PCDH15: variants seen among roughly 807,000 people sequenced by gnomAD.
PCDH15 encodes protocadherin-15.
In PCDH15, 129 loss-of-function variants were observed where a neutral mutation model predicts 178.5. The observed-to-expected ratio is 0.72, with a 90% CI of 0.63 to 0.84. PCDH15 has a LOEUF of 0.84. PCDH15 is among the 40% of genes least tolerant of loss of function. The probability of loss-of-function intolerance (pLI) is 0.00; values close to 1 mark genes in which losing one functional copy is unlikely to be tolerated. For missense variants in PCDH15, 2,230 were observed against 2,099.9 expected (o/e 1.06, Z -1.21); for synonymous variants, 800 against 732.0 (o/e 1.09, Z -1.50).
intron 26 of PCDH15, among the ~76,000 whole-genome samples, chr10:53,883,502 A>T (rs1381025125): frequency 2.0e-5 from 3 of 152,110 alleles, no homozygotes; most frequent in African/African-American, 7.2e-5. Context: ...GGTAGACTGC[A>T]GGGAGGAAAC....
chr10:55,077,426 C>T (rs200451218), intron 2 of PCDH15, among the ~76,000 whole-genome samples: 11 of 89,258 alleles, frequency 1.2e-4, no homozygotes, highest in South Asian at 3.5e-4. Context: ...TTCCTTCCTT[C>T]CTTCCTTCCT....
At chr10:54,886,773 G>A (rs894775811) in intron 3 of PCDH15, among the ~76,000 whole-genome samples, 5 of 152,178 alleles carry the variant, frequency 3.3e-5, no homozygotes, top group African/African-American at 1.2e-4. Flanking sequence ...GAATGATCTA[G>A]CTATTATTTT....
intron 2 of PCDH15, among the ~76,000 whole-genome samples, chr10:55,002,033 A>G (rs1839806509): frequency 6.6e-6 from 1 of 152,188 alleles, no homozygotes; most frequent in Non-Finnish European, 1.5e-5. Flanking sequence ...CAAAATATGT[A>G]CAAGTGTCAC....
chr10:53,837,729 C>T (rs10825119), intron 29 of PCDH15, among the ~76,000 whole-genome samples: 62,838 of 151,570 alleles, frequency 0.41, 13,546 homozygotes, highest in East Asian at 0.76. Flanking sequence ...TACTTGGGCA[C>T]TGGCATTATC....
intron 23 of PCDH15, among the ~76,000 whole-genome samples, chr10:53,946,412 G>A (rs1436703811): frequency 1.3e-5 from 2 of 152,018 alleles, no homozygotes; most frequent in Non-Finnish European, 2.9e-5. Context: ...CTGAACCCCT[G>A]GTAACCAATG....
intron 8 of PCDH15, among the ~76,000 whole-genome samples, chr10:54,253,346 G>A (rs1297317226): frequency 1.3e-5 from 2 of 151,700 alleles, no homozygotes; most frequent in African/African-American, 2.4e-5. Flanking sequence ...GGTTTTTATT[G>A]TCAGAATATT....
At chr10:54,999,367 G>T (rs1032905288) in intron 2 of PCDH15, among the ~76,000 whole-genome samples, 1 of 152,114 alleles carries the variant, frequency 6.6e-6, no homozygotes, top group African/African-American at 2.4e-5. Flanking sequence ...TGGAAAAGTA[G>T]GTAGGAGTAG....
At chr10:54,513,617 G>A (rs1401584044) in intron 3 of PCDH15, among the ~76,000 whole-genome samples, 10 of 152,054 alleles carry the variant, frequency 6.6e-5, no homozygotes, top group Non-Finnish European at 1.5e-5. Context: ...ATCACACTAT[G>A]TATTTTTATA....
rs746591991 is a variant in PCDH15, at chr10:53,822,456, GAAGGAGGAGAAA to G, written c.4368-2238_4368-2227del. 4 of 1,600,058 alleles carry G rather than the reference GAAGGAGGAGAAA, an allele frequency of 2.5e-6. No homozygotes were observed. Among genetic ancestry groups the G allele is most frequent in the South Asian group, 1.1e-5 (1 of 89,772 alleles). On this transcript the variant is annotated intron_variant, in intron 32 of 37. Coordinates refer to ENST00000644397, the MANE Select transcript of PCDH15 (RefSeq NM_001384140.1). The stretch of plus-strand genomic sequence containing the variant: ...AAGAGGAGCAGGAGCAGGAGGAGGA[GAAGGAGGAGAAA>G]TAGGAGGAGGAGGGGGAAGGGGACA...
Position 55,464,065 on chromosome 10 carries a change from A to G in PCDH15, c.-156+163560T>C, listed in dbSNP as rs1025669664. Among the ~76,000 whole-genome samples, 2 of 122,364 alleles carry G rather than the reference A, an allele frequency of 1.6e-5. 1 individual carries two copies. Among genetic ancestry groups the G allele is most frequent in the Non-Finnish European group, 3.5e-5 (2 of 56,620 alleles). The allele number at this position is 122,364 out of a possible 152,430, so 80.3% of individuals were successfully genotyped here. A position where few individuals can be genotyped will look rare whatever the true frequency, so the allele number is the denominator to read the frequency against. ...AGAAAGAAAGAAAGAAAGAAAGAAA[A>G]GGAAAGAAAGGGAAAGAAGAAAAGA... On this transcript the variant is annotated intron_variant, in intron 2 of 5. Transcript: ENST00000613346.
At chr10:55,289,803 C>A (rs1842962993) in intron 1 of PCDH15, among the ~76,000 whole-genome samples, 1 of 151,932 alleles carries the variant, frequency 6.6e-6, no homozygotes, top group South Asian at 2.1e-4. Context: ...GATAGGGTCA[C>A]CAGGGTGGAG....
intron 1 of PCDH15, among the ~76,000 whole-genome samples, chr10:55,250,148 A>G (rs1034905948): frequency 1.3e-5 from 2 of 151,954 alleles, no homozygotes; most frequent in African/African-American, 4.8e-5. Flanking sequence ...TAATTTATTT[A>G]TTTATTGAGA....
chr10:54,467,932 T>C (rs955358860), intron 3 of PCDH15, among the ~76,000 whole-genome samples: 1 of 151,906 alleles, frequency 6.6e-6, no homozygotes, highest in Admixed American at 6.6e-5. Context: ...TCATTTTTTC[T>C]AGGCTTTCAA....
intron 2 of PCDH15, among the ~76,000 whole-genome samples, chr10:55,332,399 A>G (rs1293682765): frequency 6.6e-6 from 1 of 152,148 alleles, no homozygotes; most frequent in African/African-American, 2.4e-5. Context: ...CCATTGGCAA[A>G]GGATAAGGCA....
chr10:55,448,292 G>A (rs531952342), intron 2 of PCDH15, among the ~76,000 whole-genome samples: 1 of 152,024 alleles, frequency 6.6e-6, no homozygotes, highest in Admixed American at 6.6e-5. Flanking sequence ...AACTTACAGA[G>A]TAGGTTAGAT....
chr10:54,859,771 T>C (rs1252243036), intron 3 of PCDH15, among the ~76,000 whole-genome samples: 1 of 151,722 alleles, frequency 6.6e-6, no homozygotes, highest in Non-Finnish European at 1.5e-5. Flanking sequence ...CTATGCTGAT[T>C]ATGGTACATT....
chr10:54,946,133 G>A (rs1041053319), intron 2 of PCDH15, among the ~76,000 whole-genome samples: 1 of 151,750 alleles, frequency 6.6e-6, no homozygotes, highest in Non-Finnish European at 1.5e-5. Flanking sequence ...TGAATCTGTT[G>A]TATAATTTTA....
Position 54,317,282 on chromosome 10 carries a change from A to G in PCDH15, c.865T>C (p.Leu289=), listed in dbSNP as rs779618715. ...PLTYQAAIPE[L]RTPEELNPII... The stretch of plus-strand genomic sequence containing the variant: ...AAGAGTATATTTACCGGAGTTCTCA[A>G]CTCAGGTATGGCAGCTTGATAAGTG... Residue 289 remains leucine, a synonymous_variant, in exon 8 of 38, where the codon TTG becomes CTG. Coordinates refer to ENST00000644397, the MANE Select transcript of PCDH15 (RefSeq NM_001384140.1). The G allele has an allele frequency of 1.9e-6, 3 of 1,613,660 alleles. No homozygotes were observed. Among genetic ancestry groups the G allele is most frequent in the Non-Finnish European group, 2.5e-6 (3 of 1,179,762 alleles).
At chr10:54,149,944 G>C (rs1240126178) in intron 14 of PCDH15, among the ~76,000 whole-genome samples, 2 of 152,118 alleles carry the variant, frequency 1.3e-5, no homozygotes, top group East Asian at 3.9e-4. Flanking sequence ...TGGGGAGGAA[G>C]AGGGGCATTG....
Sources: gnomAD v4.1 joint callset for allele counts (sites outside exome capture counted in the v4.1 genomes callset) on GRCh38, gnomAD v4.1.1 for gene constraint, MANE v1.5 for transcripts, NCBI Gene and HGNC (gene_info 2026-07-23, HGNC 2026-07-21) for gene names.